The following MTUS2 variants were observed in gnomAD, a reference collection of about 807,000 sequenced individuals.
MTUS2 encodes microtubule associated scaffold protein 2, also known as microtubule-associated tumor suppressor candidate 2.
In MTUS2, 40 loss-of-function variants were observed where a neutral mutation model predicts 114.1. The observed-to-expected ratio is 0.35, with a 90% confidence interval of 0.27 to 0.46. The LOEUF (loss-of-function observed/expected upper bound fraction) is 0.46. Ranked by LOEUF, MTUS2 falls within the 20% of genes least tolerant of loss-of-function variation. The pLI, the probability that MTUS2 is intolerant of heterozygous loss-of-function variation, is 1.00. For missense variants in MTUS2, 1,679 were observed against 1,705.4 expected (o/e 0.98, Z 0.27); for synonymous variants, 688 against 672.0 (o/e 1.02, Z -0.37).
At chr13:29,351,602 G>GT (rs11424119) in intron 7 of MTUS2, among the ~76,000 whole-genome samples, 6,481 of 149,224 alleles carry the variant, frequency 0.043, 413 homozygotes, top group African/African-American at 0.15. Flanking sequence ...TGGTTAGTAA[G>GT]TTTTTTTGTT....
chr13:28,952,886 C>T (rs949840859), intron 2 of MTUS2, among the ~76,000 whole-genome samples: 2 of 152,120 alleles, frequency 1.3e-5, no homozygotes, highest in East Asian at 1.9e-4. Context: ...GTATAATAAA[C>T]GTATTTGTAC....
chr13:29,261,680 T>G (rs1303803309), intron 5 of MTUS2, among the ~76,000 whole-genome samples: 1 of 152,208 alleles, frequency 6.6e-6, no homozygotes, highest in Non-Finnish European at 1.5e-5. Flanking sequence ...TCAGCAGAAT[T>G]TAAATTGGGT....
In MTUS2 at chr13:29,182,567, T is replaced by G. The variant is rs150654113; in HGVS notation, c.2644+81597T>G. 2.3e-3 allele frequency among the ~76,000 whole-genome samples: 357 copies of G among 152,340 alleles called. 4 individuals carry two copies. The highest frequency in any genetic ancestry group is 0.018 in the South Asian group (86 of 4,824). The stretch of plus-strand genomic sequence containing the variant: ...ACAAATATTCCCTGAGAACCTACTA[T>G]GTGCTAGGATCTTAGCTAGATTCTT... On this transcript the variant is annotated intron_variant, in intron 5 of 15. Transcript: ENST00000612955.
At chr13:29,255,721 G>A (rs997068485) in intron 5 of MTUS2, among the ~76,000 whole-genome samples, 4 of 151,976 alleles carry the variant, frequency 2.6e-5, no homozygotes, top group Non-Finnish European at 4.4e-5. Context: ...GGTGGGGGAG[G>A]GGGTGACTGA....
In MTUS2 at chr13:28,985,364, A is replaced by G. The variant is rs555357801; in HGVS notation, c.-242-39093A>G. Among the ~76,000 whole-genome samples the G allele has an allele frequency of 1.7e-4, 26 of 152,336 alleles. No individual in the cohort carries two copies. In the South Asian group the frequency reaches 4.6e-3, roughly 27 times the overall value. ...GTCATAGGTTCATTGTGATGACTAA[A>G]TGGGATACTGTACTGAAAGCAGTTA... On this transcript the variant is annotated intron_variant, in intron 2 of 15. Coordinates refer to ENST00000612955, the MANE Select transcript of MTUS2 (RefSeq NM_001033602.4).
intron 5 of MTUS2, among the ~76,000 whole-genome samples, chr13:29,273,257 G>A (rs1439542677): frequency 6.6e-6 from 1 of 152,224 alleles, no homozygotes; most frequent in Non-Finnish European, 1.5e-5. Context: ...TCCTTACATA[G>A]GAGCTTGGTC....
At chr13:28,940,389 T>C (rs1369947955) in intron 2 of MTUS2, among the ~76,000 whole-genome samples, 1 of 152,172 alleles carries the variant, frequency 6.6e-6, no homozygotes, top group Non-Finnish European at 1.5e-5. Flanking sequence ...TATAATTCCA[T>C]TTATATGGAA....
At chr13:29,001,473 G>T (rs535666530) in intron 2 of MTUS2, among the ~76,000 whole-genome samples, 2 of 152,160 alleles carry the variant, frequency 1.3e-5, no homozygotes, top group Non-Finnish European at 2.9e-5. Context: ...GTGACTCCAG[G>T]CTGTTTGCCC....
chr13:28,985,321 G>A (rs1243394750), intron 2 of MTUS2, among the ~76,000 whole-genome samples: 1 of 152,154 alleles, frequency 6.6e-6, no homozygotes, highest in African/African-American at 2.4e-5. Flanking sequence ...CAAGGTAGTT[G>A]CAAAAATCCA....
At chr13:29,152,205 T>C (rs1593532829) in intron 5 of MTUS2, among the ~76,000 whole-genome samples, 1 of 152,106 alleles carries the variant, frequency 6.6e-6, no homozygotes, top group African/African-American at 2.4e-5. Flanking sequence ...TTTAAAATAG[T>C]ACTAAATAAT....
chr13:28,989,355 A>C (rs1357811549), intron 2 of MTUS2, among the ~76,000 whole-genome samples: 2 of 152,202 alleles, frequency 1.3e-5, no homozygotes, highest in African/African-American at 4.8e-5. Context: ...TTTTTCGATA[A>C]GGGATACATG....
intron 2 of MTUS2, among the ~76,000 whole-genome samples, chr13:28,984,583 G>A (rs574877298): frequency 1.6e-4 from 24 of 152,290 alleles, no homozygotes; most frequent in African/African-American, 5.5e-4. Flanking sequence ...TTGTTTGGAA[G>A]CCCCGTTCTG....
intron 9 of MTUS2, among the ~76,000 whole-genome samples, chr13:29,472,022 C>T (rs1236543808): frequency 6.6e-6 from 1 of 152,054 alleles, no homozygotes; most frequent in Non-Finnish European, 1.5e-5. Context: ...GGTCCATGAA[C>T]TTTCTGTTGT....
chr13:28,996,214 A>G (rs1420352150), intron 2 of MTUS2, among the ~76,000 whole-genome samples: 2 of 152,100 alleles, frequency 1.3e-5, no homozygotes, highest in Non-Finnish European at 2.9e-5. Flanking sequence ...TGATTTTCGT[A>G]TGTTGAACCA....
chr13:29,297,852 CTAA>C (rs777596016), intron 6 of MTUS2, among the ~76,000 whole-genome samples: 1 of 148,024 alleles, frequency 6.8e-6, no homozygotes, highest in African/African-American at 2.4e-5. Context: ...GGATTTAGTG[CTAA>C]TGAGTATATG....
chr13:29,175,353 A>C (rs1337175838), intron 5 of MTUS2, among the ~76,000 whole-genome samples: 1 of 152,198 alleles, frequency 6.6e-6, no homozygotes, highest in African/African-American at 2.4e-5. Context: ...GGGGAAGGAG[A>C]TTTGCTGTCT....
chr13:29,306,689 A>G (rs1899479152), intron 6 of MTUS2: 3 of 263,558 alleles, frequency 1.1e-5, no homozygotes, highest in Non-Finnish European at 2.3e-5. Context: ...GAAAGAATCA[A>G]TATCATGAAA....
intron 3 of MTUS2, among the ~76,000 whole-genome samples, chr13:29,031,269 T>TGTGTGTGTGTGTGG (rs1223710633): frequency 2.3e-5 from 3 of 128,100 alleles, no homozygotes; most frequent in Non-Finnish European, 5.1e-5. Flanking sequence ...TGTGTGTGTG[T>TGTGTGTGTGTGTGG]GGTGTGTGTT....
intron 9 of MTUS2, among the ~76,000 whole-genome samples, chr13:29,463,363 A>C (rs1879651263): frequency 6.6e-6 from 1 of 152,194 alleles, no homozygotes; most frequent in Admixed American, 6.5e-5. Context: ...CGGCCACAGG[A>C]GACTCCTAGA....
Sources: gnomAD v4.1 joint callset for allele counts (sites outside exome capture counted in the v4.1 genomes callset) on GRCh38, gnomAD v4.1.1 for gene constraint, MANE v1.5 for transcripts, NCBI Gene and HGNC (gene_info 2026-07-23, HGNC 2026-07-21) for gene names.